STX8: variants seen among roughly 807,000 people sequenced by gnomAD.
The protein encoded by STX8 is syntaxin-8.
A neutral mutation model predicts 37.5 loss-of-function variants in STX8; 23 were observed. The ratio of observed to expected loss-of-function variants is 0.61; its 90% CI spans 0.44 to 0.87. The LOEUF is 0.87. Ranked by LOEUF, STX8 falls within the 40% of genes least tolerant of loss-of-function variation. STX8 has a pLI of 0.00. For synonymous variants in STX8, 115 were observed against 99.1 expected (o/e 1.16, Z -0.95); for missense variants, 313 against 284.7 (o/e 1.10, Z -0.71).
At chr17:9,436,877 C>A (rs773927343) in intron 6 of STX8, among the ~76,000 whole-genome samples, 2 of 152,216 alleles carry the variant, frequency 1.3e-5, no homozygotes, top group African/African-American at 2.4e-5. Flanking sequence ...AACGCTGACT[C>A]CTGGTTTGGA....
At chr17:9,546,226 A>T (rs999823665) in intron 3 of STX8, among the ~76,000 whole-genome samples, 10 of 152,244 alleles carry the variant, frequency 6.6e-5, no homozygotes, top group Admixed American at 4.6e-4. Flanking sequence ...GTGTGAATCT[A>T]GCAAACACGC....
chr17:9,539,593 C>T (rs1424553510), intron 4 of STX8, among the ~76,000 whole-genome samples: 1 of 152,160 alleles, frequency 6.6e-6, no homozygotes, highest in Non-Finnish European at 1.5e-5. Context: ...GGCCACCATG[C>T]TTCTGGAAGT....
At chr17:9,409,747 A>G (rs1042312441) in intron 6 of STX8, among the ~76,000 whole-genome samples, 10 of 152,160 alleles carry the variant, frequency 6.6e-5, no homozygotes, top group Admixed American at 6.6e-4. Flanking sequence ...TCCTTTTCCA[A>G]TTATCTGGAA....
chr17:9,350,766 C>T (rs549494095), intron 7 of STX8, among the ~76,000 whole-genome samples: 6 of 152,244 alleles, frequency 3.9e-5, no homozygotes, highest in East Asian at 3.9e-4. Context: ...TGCCTGACCT[C>T]GGGTGATCCA....
intron 7 of STX8, among the ~76,000 whole-genome samples, chr17:9,321,030 G>A (rs1464495572): frequency 6.6e-6 from 1 of 151,744 alleles, no homozygotes. Flanking sequence ...AGAGAGACGA[G>A]AGAAGAGGTA....
chr17:9,282,340 G>A (rs1483141171), intron 7 of STX8, among the ~76,000 whole-genome samples: 4 of 152,108 alleles, frequency 2.6e-5, no homozygotes, highest in African/African-American at 9.7e-5. Flanking sequence ...CACCGTGTTA[G>A]CCAGGCTGGT....
chr17:9,407,502 A>G (rs1912842900), intron 6 of STX8, among the ~76,000 whole-genome samples: 1 of 147,822 alleles, frequency 6.8e-6, no homozygotes, highest in Non-Finnish European at 1.5e-5. Flanking sequence ...TCTGAGCCAA[A>G]TATGAGTGAC....
intron 7 of STX8, among the ~76,000 whole-genome samples, chr17:9,340,696 T>TG (rs1344585718): frequency 3.4e-5 from 5 of 145,300 alleles, no homozygotes. Context: ...TTGCTCTTGT[T>TG]GCCCAGGCTG....
At chr17:9,549,447 A>G (rs76295978) in intron 3 of STX8, among the ~76,000 whole-genome samples, 225 of 152,320 alleles carry the variant, frequency 1.5e-3, no homozygotes, top group African/African-American at 5.4e-3. Flanking sequence ...AAGGGTGAGC[A>G]TGGCTAAGTC....
intron 6 of STX8, among the ~76,000 whole-genome samples, chr17:9,442,706 C>A (rs1056002485): frequency 6.6e-6 from 1 of 152,144 alleles, no homozygotes; most frequent in African/African-American, 2.4e-5. Context: ...CTGTGCCCGG[C>A]CTGTATCTTC....
At chr17:9,573,010 T>A (rs1312831054) in intron 1 of STX8, among the ~76,000 whole-genome samples, 1 of 151,946 alleles carries the variant, frequency 6.6e-6, no homozygotes, top group Non-Finnish European at 1.5e-5. Context: ...GGATTTAGGT[T>A]CCAGAAGGTG....
chr17:9,476,521 C>T (rs1005128841), intron 6 of STX8, among the ~76,000 whole-genome samples: 3 of 151,360 alleles, frequency 2.0e-5, no homozygotes, highest in Non-Finnish European at 2.9e-5. Context: ...GGCACAATCT[C>T]GGCTCACTGC....
chr17:9,495,622 T>G (rs1904362905), intron 5 of STX8, among the ~76,000 whole-genome samples: 1 of 152,222 alleles, frequency 6.6e-6, no homozygotes, highest in Non-Finnish European at 1.5e-5. Flanking sequence ...CTAATGCACA[T>G]GAGAAAGAGA....
intron 6 of STX8, among the ~76,000 whole-genome samples, chr17:9,434,794 A>G (rs1371308552): frequency 2.6e-5 from 4 of 152,190 alleles, no homozygotes; most frequent in Admixed American, 1.3e-4. Context: ...AGCTGTATTT[A>G]TATCTACTTT....
intron 7 of STX8, among the ~76,000 whole-genome samples, chr17:9,262,262 T>C (rs1907065809): frequency 6.6e-6 from 1 of 152,224 alleles, no homozygotes; most frequent in Non-Finnish European, 1.5e-5. Context: ...AGTAGCCGTG[T>C]CTGTTCAACT....
intron 4 of STX8, among the ~76,000 whole-genome samples, chr17:9,522,464 G>A (rs1471738875): frequency 6.7e-6 from 1 of 150,356 alleles, no homozygotes; most frequent in Non-Finnish European, 1.5e-5. Flanking sequence ...TTGGGAGGCT[G>A]AGGCAGGTGG....
At chr17:9,374,754 T>C (rs1911526712) in intron 7 of STX8, among the ~76,000 whole-genome samples, 1 of 152,118 alleles carries the variant, frequency 6.6e-6, no homozygotes, top group Non-Finnish European at 1.5e-5. Flanking sequence ...TAATGATCTC[T>C]AAAGTATTTC....
At chr17:9,573,080 A>AACCCCCCC (rs1907746427) in intron 1 of STX8, among the ~76,000 whole-genome samples, 2 of 101,574 alleles carry the variant, frequency 2.0e-5, no homozygotes, top group Admixed American at 1.1e-4. Flanking sequence ...CACCCCCAAC[A>AACCCCCCC]CCCCCCCCCA....
At chr17:9,421,902 T>C (rs2142352366) in intron 6 of STX8, among the ~76,000 whole-genome samples, 2 of 152,164 alleles carry the variant, frequency 1.3e-5, no homozygotes, top group Non-Finnish European at 2.9e-5. Flanking sequence ...TCACAAGATC[T>C]GGTGGTCTGA....
Sources: gnomAD v4.1 joint callset for allele counts (sites outside exome capture counted in the v4.1 genomes callset) on GRCh38, gnomAD v4.1.1 for gene constraint, MANE v1.5 for transcripts, NCBI Gene and HGNC (gene_info 2026-07-23, HGNC 2026-07-21) for gene names.